The following CIMAP2 variants were observed in gnomAD, a reference collection of about 807,000 sequenced individuals.
CIMAP2 encodes ciliary microtubule-associated protein 2.
At chr1:54,824,656 A>G in the CIMAP2 span, among the ~76,000 whole-genome samples, 38 of 151,720 alleles carry the variant, frequency 2.5e-4, no homozygotes, top group African/African-American at 8.7e-4. Context: ...TGCTTGATGT[A>G]GTGTATTGTT....
At chr1:54,823,576 T>C in the CIMAP2 span, among the ~76,000 whole-genome samples, 1 of 152,264 alleles carries the variant, frequency 6.6e-6, no homozygotes. Context: ...AAAGTTGTTA[T>C]TGATAGGTGA....
At chr1:54,816,169 T>G in the CIMAP2 span, among the ~76,000 whole-genome samples, 3 of 152,230 alleles carry the variant, frequency 2.0e-5, no homozygotes, top group Non-Finnish European at 2.9e-5. Flanking sequence ...GTGGCTCAGC[T>G]GACCGCACCC....
chr1:54,808,614 G>GGGC, the CIMAP2 span, among the ~76,000 whole-genome samples: 1 of 139,062 alleles, frequency 7.2e-6, no homozygotes, highest in African/African-American at 2.6e-5. Flanking sequence ...GGTGCTGCCG[G>GGGC]GGGAGGGCAG....
chr1:54,821,905 T>C, the CIMAP2 span, among the ~76,000 whole-genome samples: 2 of 102,070 alleles, frequency 2.0e-5, no homozygotes, highest in Admixed American at 1.0e-4. Context: ...TTTTTTTTTT[T>C]TTTTTTTTTT....
chr1:54,811,765 G>GCCGGGGGGGGGGGGGGGCCCCC, the CIMAP2 span: 6 of 1,301,322 alleles, frequency 4.6e-6, no homozygotes, highest in South Asian at 1.2e-5. Flanking sequence ...GGTTCTGACA[G>GCCGGGGGGGGGGGGGGGCCCCC]CCTCCATGCC....
At chr1:54,810,350 T>C in the CIMAP2 span, among the ~76,000 whole-genome samples, 1 of 152,230 alleles carries the variant, frequency 6.6e-6, no homozygotes, top group Non-Finnish European at 1.5e-5. Flanking sequence ...CTGTTAATTG[T>C]GGATGGTGCT....
At chr1:54,813,191 A>G in the CIMAP2 span, among the ~76,000 whole-genome samples, 67 of 152,088 alleles carry the variant, frequency 4.4e-4, no homozygotes, top group African/African-American at 1.6e-3. Context: ...TTGAGTGGAA[A>G]GTACAAGGAG....
chr1:54,812,210 G>C, the CIMAP2 span: 4 of 1,614,038 alleles, frequency 2.5e-6, no homozygotes, highest in East Asian at 2.2e-5. Context: ...AGGGGTTGAA[G>C]GGTGTTAGTC....
chr1:54,820,002 CCT>C, the CIMAP2 span, among the ~76,000 whole-genome samples: 13 of 121,884 alleles, frequency 1.1e-4, 1 homozygote, highest in East Asian at 2.2e-3. Flanking sequence ...TTTCTTTCTC[CCT>C]CTCTTTTCCT....
chr1:54,839,691 A>AT, the CIMAP2 span, among the ~76,000 whole-genome samples: 2 of 151,458 alleles, frequency 1.3e-5, no homozygotes, highest in Non-Finnish European at 2.9e-5. Flanking sequence ...AGTTGAACTT[A>AT]TTATAGCATA....
chr1:54,836,299 G>GCCTA, the CIMAP2 span, among the ~76,000 whole-genome samples: 3 of 210 alleles, frequency 0.014, no homozygotes, highest in Non-Finnish European at 0.031. Context: ...CTGCCTGCCT[G>GCCTA]CCTGCCTGCC....
At chr1:54,838,940 G>GT in the CIMAP2 span, among the ~76,000 whole-genome samples, 4 of 151,918 alleles carry the variant, frequency 2.6e-5, no homozygotes, top group Admixed American at 2.0e-4. Context: ...GGGATTGGGG[G>GT]GAGTAGACTC....
the CIMAP2 span, among the ~76,000 whole-genome samples, chr1:54,809,507 A>T: frequency 6.6e-6 from 1 of 152,220 alleles, no homozygotes; most frequent in African/African-American, 2.4e-5. Flanking sequence ...CATGTTCATG[A>T]CAACCCTATG....
chr1:54,807,945 G>A, the CIMAP2 span: 13 of 1,609,636 alleles, frequency 8.1e-6, no homozygotes, highest in Admixed American at 1.5e-4. Context: ...AACAGCTGCG[G>A]GAGAAACCAT....
the CIMAP2 span, among the ~76,000 whole-genome samples, chr1:54,833,982 C>T: frequency 6.6e-5 from 10 of 152,248 alleles, no homozygotes; most frequent in East Asian, 1.9e-4. Context: ...GGATCACAGG[C>T]GTGCATCACC....
At chr1:54,808,375 G>A in the CIMAP2 span, among the ~76,000 whole-genome samples, 7 of 152,252 alleles carry the variant, frequency 4.6e-5, no homozygotes, top group South Asian at 8.3e-4. Context: ...CCTACAGGTC[G>A]TGAGCAACGG....
chr1:54,818,875 G>C, the CIMAP2 span, among the ~76,000 whole-genome samples: 2 of 152,206 alleles, frequency 1.3e-5, no homozygotes, highest in African/African-American at 4.8e-5. Context: ...TTACAGGTGT[G>C]AGCCACTGCG....
the CIMAP2 span, among the ~76,000 whole-genome samples, chr1:54,820,935 A>AT: frequency 6.6e-6 from 1 of 151,950 alleles, no homozygotes; most frequent in South Asian, 2.1e-4. Flanking sequence ...CCCCCGGCTA[A>AT]TTTTTGTATT....
chr1:54,811,765 G>GCCGGGGGGGCGGGGGCCCCCCCCCCC, the CIMAP2 span: 1 of 1,301,332 alleles, frequency 7.7e-7, no homozygotes, highest in Non-Finnish European at 1.1e-6. Context: ...GGTTCTGACA[G>GCCGGGGGGGCGGGGGCCCCCCCCCCC]CCTCCATGCC....
Sources: allele counts gnomAD v4.1 joint callset (sites outside exome capture counted in the v4.1 genomes callset), GRCh38; gene constraint gnomAD v4.1.1; transcripts MANE v1.5; gene names NCBI Gene and HGNC (gene_info 2026-07-23, HGNC 2026-07-21).